Variants in RRBP1 observed in about 807,000 individuals in gnomAD.
The protein encoded by RRBP1 is ribosome binding protein 1.
RRBP1 carries 94 observed loss-of-function variants against 165.2 expected under a neutral mutation model. The ratio of observed to expected loss-of-function variants is 0.57; its 90% CI spans 0.48 to 0.68. The LOEUF (loss-of-function observed/expected upper bound fraction) is 0.68, where lower values mean the gene tolerates loss of function less well. Among genes scored for constraint, RRBP1 ranks in the 30% least tolerant of loss-of-function variants. RRBP1 has a pLI of 0.00. For synonymous variants in RRBP1, 680 were observed against 714.5 expected, an observed-to-expected ratio of 0.95 and a Z score of 0.77; for missense variants, 1,676 against 1,763.0, an observed-to-expected ratio of 0.95 and a Z score of 0.88.
At chr20:17,673,411 CT>C (rs912169030) in intron 2 of RRBP1, among the ~76,000 whole-genome samples, 7 of 152,100 alleles carry the variant, frequency 4.6e-5, no homozygotes, top group African/African-American at 1.7e-4. Context: ...TGAAGTCTTT[CT>C]TTTTTCTTTT....
At position 17,613,768 on chromosome 20, in the gene RRBP1, G is replaced by A. The variant is rs972998125; in HGVS notation, c.*414C>T. 5.3e-6 allele frequency: 1 copy of A among 188,996 alleles called. No homozygotes were observed. Among genetic ancestry groups the A allele is most frequent in the African/African-American group, 2.3e-5 (1 of 43,078 alleles). The allele number at this position is 188,996 out of a possible 1,614,324, so 11.7% of individuals were successfully genotyped here. On this transcript the variant is annotated 3_prime_UTR_variant, in exon 25 of 25. Transcript: ENST00000377813. ...GCAACGTCTAGGGGTGAGGGGCTGT[G>A]GCCTCCAGTCGGCCCCACAGCCTTT...
At chr20:17,631,573 C>T (rs1600739089) in intron 8 of RRBP1, among the ~76,000 whole-genome samples, 1 of 152,250 alleles carries the variant, frequency 6.6e-6, no homozygotes, top group African/African-American at 2.4e-5. Flanking sequence ...ATTTCAGAAG[C>T]GGGTCCCGTG....
At chr20:17,640,497 G>T (rs1266520500) in intron 5 of RRBP1, among the ~76,000 whole-genome samples, 1 of 152,172 alleles carries the variant, frequency 6.6e-6, no homozygotes, top group Non-Finnish European at 1.5e-5. Flanking sequence ...AGGGGCCCCT[G>T]GCAGAGCTTG....
In RRBP1 at chr20:17,615,520, A is replaced by G. The variant is rs1336193560; in HGVS notation, c.3961T>C (p.Ser1321Pro). Reference sequence around the variant, plus strand: ...AATTCTTCTTGTAACCGACATGCCGAGGTCTGAGCCTTGCCGGAGAGGGAA... The same window carrying G: ...AATTCTTCTTGTAACCGACATGCCGGGGTCTGAGCCTTGCCGGAGAGGGAA... ...LTAEFEEAQTSACRLQEELEK... is the reference protein window; with the variant it reads ...LTAEFEEAQTPACRLQEELEK... Residue 1321 changes from serine to proline, a missense_variant, in exon 23 of 25, where the codon TCG (serine) becomes CCG (proline). By Grantham distance (74) the Ser-to-Pro change is moderately conservative. Transcript: ENST00000377813. 2 of 1,604,970 alleles carry G rather than the reference A, an allele frequency of 1.2e-6. No homozygotes were observed. Among genetic ancestry groups the G allele is most frequent in the Non-Finnish European group, 1.7e-6 (2 of 1,177,098 alleles).
intron 6 of RRBP1, 137 bp from the exon 7 acceptor site, chr20:17,635,801 G>C: frequency 1.4e-6 from 1 of 715,290 alleles, no homozygotes; most frequent in Non-Finnish European, 2.4e-6. Context: ...TGGAAGTTAA[G>C]AGGATCCCAT....
rs2037206282 is a variant in RRBP1, at chr20:17,682,141, AGCAGCTGTAGAC to A, written c.-224_-213del. On this transcript the variant is annotated 5_prime_UTR_variant, in exon 1 of 25. Transcript: ENST00000377813. ...AGCCTCCGCCAAGAAACCGCCCCCGAGCAGCTGTAGACGCTGCGACCCTGACGCCGCCCGCCC... is the reference window on the plus strand; with the variant it reads ...AGCCTCCGCCAAGAAACCGCCCCCGAGCTGCGACCCTGACGCCGCCCGCCC... The A allele has an allele frequency of 6.6e-6, 1 of 152,094 alleles. No homozygotes were observed. The highest frequency in any genetic ancestry group is 1.5e-5 in the Non-Finnish European group (1 of 68,326). The allele number at this position is 152,094 out of a possible 1,614,324, so 9.4% of individuals were successfully genotyped here. A position where few individuals can be genotyped will look rare whatever the true frequency, so the allele number is the denominator to read the frequency against.
intron 3 of RRBP1, among the ~76,000 whole-genome samples, chr20:17,657,982 G>C (rs565948023): frequency 2.6e-5 from 4 of 152,318 alleles, no homozygotes; most frequent in Admixed American, 2.6e-4. Flanking sequence ...ACAGAACGCA[G>C]CCAGACAGTT....
Position 17,622,066 on chromosome 20 carries a change from C to T in RRBP1, c.3148-119G>A, listed in dbSNP as rs923377122. On this transcript the variant is annotated intron_variant, in intron 13 of 24. Transcript: ENST00000377813. Reference sequence around the variant, plus strand: ...CAGAAAGGGCACATCCTCAGCTCTTCAGGGAAGCGACAAGAATCAAAGGAG... The same window carrying T: ...CAGAAAGGGCACATCCTCAGCTCTTTAGGGAAGCGACAAGAATCAAAGGAG... 5.5e-6 allele frequency: 4 copies of T among 727,792 alleles called. No homozygotes were observed. The African/African-American group carries it at 7.0e-5, about 13-fold the overall frequency. 45.1% of individuals were successfully genotyped at this position (727,792 alleles called of 1,614,324 possible).
rs1436675056 is a variant in RRBP1, at chr20:17,635,604, G to A, written c.2398C>T (p.Gln800Ter). 1 of 1,613,454 alleles carries A rather than the reference G, an allele frequency of 6.2e-7. No individual in the cohort carries two copies. The highest frequency in any genetic ancestry group is 8.5e-7 in the Non-Finnish European group (1 of 1,179,890). Residue 800 changes from glutamine (Q) to a stop codon, truncating the protein, a stop_gained, in exon 7 of 25, where the codon CAG becomes TAG. Transcript: ENST00000377813. LOFTEE classifies it high-confidence loss of function. ...GPNTQLARLQQENSILRDALN... is the reference protein window; with the variant it reads ...GPNTQLARLQ Reference sequence around the variant, plus strand: ...GCATCCCGCAGGATGGAGTTCTCCTGCTGCAGGCGGGCCAGCTGCGTGTTG... The same window carrying A: ...GCATCCCGCAGGATGGAGTTCTCCTACTGCAGGCGGGCCAGCTGCGTGTTG...
chr20:17,642,064 T>C, intron 4 of RRBP1, 145 bp from the exon 5 acceptor site: 1 of 952,566 alleles, frequency 1.0e-6, no homozygotes, highest in Non-Finnish European at 1.6e-6. Flanking sequence ...TCCAGATACT[T>C]GTGGGGAAAG....
rs1178466529 is a variant in RRBP1 at position 17,643,865 on chromosome 20, C to T, written c.1913-738G>A. Among the ~76,000 whole-genome samples the T allele has an allele frequency of 2.6e-5, 4 of 152,156 alleles. No individual in the cohort carries two copies. Among genetic ancestry groups the T allele is most frequent in the East Asian group, 1.9e-4 (1 of 5,196 alleles). ...AAACTAAAACTGCCGACACCCCCCA[C>T]GCCCCTCCCCACACACATGGTTTTG... On this transcript the variant is annotated intron_variant, in intron 3 of 24. Transcript: ENST00000377813. This position sits in a 1 kb window ranked among gnomAD's most constrained non-coding sequence, Gnocchi z 4.3.
intron 2 of RRBP1, among the ~76,000 whole-genome samples, chr20:17,664,663 C>T (rs528097786): frequency 1.3e-5 from 2 of 152,304 alleles, no homozygotes; most frequent in South Asian, 4.1e-4. Context: ...TCACATGGCC[C>T]GGCCAAGCCA....
At chr20:17,620,846 C>T in intron 16 of RRBP1, 39 bp from the exon 17 acceptor site, 2 of 1,452,352 alleles carry the variant, frequency 1.4e-6, no homozygotes, top group Non-Finnish European at 1.9e-6. Context: ...CCTCTCCCTC[C>T]CGAGACCCGC....
At chr20:17,639,011 C>T (rs1489036773) in intron 5 of RRBP1, among the ~76,000 whole-genome samples, 1 of 152,232 alleles carries the variant, frequency 6.6e-6, no homozygotes, top group Non-Finnish European at 1.5e-5. Flanking sequence ...TTCACAGCCC[C>T]ATCTCCTTCT....
intron 3 of RRBP1, among the ~76,000 whole-genome samples, chr20:17,644,100 G>T (rs1417157483): frequency 1.3e-5 from 2 of 151,052 alleles, no homozygotes; most frequent in Non-Finnish European, 2.9e-5. Context: ...CAATTCTCTG[G>T]CTTGTCACAA....
rs1480531215 is a variant in RRBP1, at chr20:17,643,165, A to G, written c.1913-38T>C. ...AGGGAAAGAGCTGAGACTTAGGCCC[A>G]TAAGCCACAACACACGTGGCCACAA... On this transcript the variant is annotated intron_variant, in intron 3 of 24. Transcript: ENST00000377813. The surrounding 1 kb of genome is among the most constrained non-coding windows in gnomAD (Gnocchi z 4.3). 5 of 1,604,630 alleles carry G rather than the reference A, an allele frequency of 3.1e-6. No homozygotes were observed. The highest frequency in any genetic ancestry group is 4.3e-6 in the Non-Finnish European group (5 of 1,176,198).
chr20:17,672,642 CCTT>C (rs1336745864), intron 2 of RRBP1, among the ~76,000 whole-genome samples: 2 of 152,210 alleles, frequency 1.3e-5, no homozygotes, highest in Non-Finnish European at 2.9e-5. Context: ...GCACCTACCT[CCTT>C]CTGGTCCTGC....
chr20:17,658,548 T>A, intron 3 of RRBP1, 48 bp downstream of exon 3: 1 of 1,491,280 alleles, frequency 6.7e-7, no homozygotes, highest in Non-Finnish European at 9.0e-7. Context: ...CATAAGTCAT[T>A]TAAAGACAGC....
At chr20:17,648,185 G>A (rs1057275129) in intron 3 of RRBP1, among the ~76,000 whole-genome samples, 1 of 152,130 alleles carries the variant, frequency 6.6e-6, no homozygotes, top group Non-Finnish European at 1.5e-5. Context: ...ACGCTCTCTA[G>A]GGAGGAGCTC....
Sources: gnomAD v4.1 joint callset for allele counts (sites outside exome capture counted in the v4.1 genomes callset) on GRCh38, gnomAD v4.1.1 for gene constraint, Gnocchi (gnomAD v3.1) non-coding constraint, MANE v1.5 for transcripts, NCBI Gene and HGNC (gene_info 2026-07-23, HGNC 2026-07-21) for gene names.